RBFOX1: variants seen among roughly 807,000 people sequenced by gnomAD.
The protein encoded by RBFOX1 is RNA binding fox-1 homolog 1, also known as RNA binding protein fox-1 homolog 1.
Under a neutral mutation model 57.7 loss-of-function variants are expected in RBFOX1, and 8 were observed. The ratio of observed to expected loss-of-function variants is 0.14; its 90% CI spans 0.08 to 0.25. The LOEUF (loss-of-function observed/expected upper bound fraction) is 0.25. Ranked by LOEUF, RBFOX1 falls within the 10% of genes least tolerant of loss-of-function variation. The pLI is 1.00. For synonymous variants in RBFOX1, 326 were observed against 222.4 expected, an observed-to-expected ratio of 1.47 and a Z score of -4.15; for missense variants, 611 against 548.5, an observed-to-expected ratio of 1.11 and a Z score of -1.14.
At chr16:7,702,389 T>C (rs1239278618) in intron 14 of RBFOX1, among the ~76,000 whole-genome samples, 1 of 151,948 alleles carries the variant, frequency 6.6e-6, no homozygotes, top group Non-Finnish European at 1.5e-5. Context: ...CTCTCTGCAG[T>C]TGCAGAATTG....
At chr16:5,980,442 G>A (rs1475845993) in intron 4 of RBFOX1, among the ~76,000 whole-genome samples, 1 of 152,180 alleles carries the variant, frequency 6.6e-6, no homozygotes. Context: ...GGATCCTGCA[G>A]GAGGCCGAAT....
At chr16:6,277,478 A>AAAAAAAAAC (rs2075938684) in intron 1 of RBFOX1, among the ~76,000 whole-genome samples, 1 of 131,666 alleles carries the variant, frequency 7.6e-6, no homozygotes, top group Non-Finnish European at 1.7e-5. Context: ...AAAAAAAAAA[A>AAAAAAAAAC]CCTCAATTTT....
At chr16:6,959,361 C>A (rs1470190593) in intron 3 of RBFOX1, among the ~76,000 whole-genome samples, 2 of 152,162 alleles carry the variant, frequency 1.3e-5, no homozygotes, top group African/African-American at 4.8e-5. Context: ...ATAACCGTCA[C>A]ATTTGAATGG....
At chr16:5,713,356 G>A (rs1027294146) in intron 3 of RBFOX1, among the ~76,000 whole-genome samples, 3 of 152,196 alleles carry the variant, frequency 2.0e-5, no homozygotes, top group African/African-American at 7.2e-5. Context: ...ACAGGAATGA[G>A]ATTAAGGGGC....
chr16:6,727,930 C>G (rs1368646405), intron 3 of RBFOX1, among the ~76,000 whole-genome samples: 1 of 152,152 alleles, frequency 6.6e-6, no homozygotes, highest in Non-Finnish European at 1.5e-5. Flanking sequence ...AAGGCTAGTT[C>G]TACTACGTAC....
At chr16:7,186,747 A>G (rs552710706) in intron 4 of RBFOX1, among the ~76,000 whole-genome samples, 3 of 150,574 alleles carry the variant, frequency 2.0e-5, no homozygotes, top group Non-Finnish European at 4.4e-5. Context: ...TATATGAAGC[A>G]ATGACATTAT....
intron 1 of RBFOX1, among the ~76,000 whole-genome samples, chr16:6,257,306 C>T (rs954074403): frequency 6.6e-6 from 1 of 152,088 alleles, no homozygotes; most frequent in Non-Finnish European, 1.5e-5. Context: ...TAAAAATGGC[C>T]CCTCAGCCAA....
chr16:5,628,173 C>T (rs1262471446), intron 3 of RBFOX1, among the ~76,000 whole-genome samples: 6 of 152,058 alleles, frequency 3.9e-5, no homozygotes, highest in Admixed American at 2.6e-4. Context: ...GGGTAGATAC[C>T]CTTATATCAG....
intron 4 of RBFOX1, among the ~76,000 whole-genome samples, chr16:7,177,876 G>A (rs1330438039): frequency 6.6e-6 from 1 of 152,188 alleles, no homozygotes; most frequent in South Asian, 2.1e-4. Flanking sequence ...ACAGGATTTG[G>A]CCTGTGGGTT....
chr16:6,613,156 T>C (rs1223441712), intron 2 of RBFOX1, among the ~76,000 whole-genome samples: 3 of 152,150 alleles, frequency 2.0e-5, no homozygotes, highest in South Asian at 4.1e-4. Flanking sequence ...ATAGGCATTA[T>C]GCTTGCTGCG....
At chr16:7,510,711 T>C (rs753000199) in intron 4 of RBFOX1, among the ~76,000 whole-genome samples, 29 of 152,182 alleles carry the variant, frequency 1.9e-4, no homozygotes, top group Non-Finnish European at 3.4e-4. Flanking sequence ...AGAGAAGTGG[T>C]GTAGACCATG....
intron 4 of RBFOX1, among the ~76,000 whole-genome samples, chr16:7,397,358 C>T (rs987263845): frequency 6.6e-6 from 1 of 152,168 alleles, no homozygotes; most frequent in Non-Finnish European, 1.5e-5. Context: ...CACTTATCTG[C>T]AGACTGTAGG....
At chr16:6,322,760 G>A (rs1027226187) in intron 2 of RBFOX1, among the ~76,000 whole-genome samples, 1 of 152,150 alleles carries the variant, frequency 6.6e-6, no homozygotes, top group African/African-American at 2.4e-5. Flanking sequence ...GTTAAAAGGC[G>A]CCAGTTGGAA....
chr16:7,410,294 T>C (rs2098410746), intron 4 of RBFOX1, among the ~76,000 whole-genome samples: 1 of 152,236 alleles, frequency 6.6e-6, no homozygotes, highest in Non-Finnish European at 1.5e-5. Flanking sequence ...ATACTGTTAT[T>C]GCTCTCACTT....
intron 3 of RBFOX1, among the ~76,000 whole-genome samples, chr16:6,838,237 TATC>T (rs1409189875): frequency 1.3e-5 from 2 of 152,130 alleles, no homozygotes; most frequent in Non-Finnish European, 2.9e-5. Flanking sequence ...GTCCATGTGT[TATC>T]ATTGTTCATC....
intron 1 of RBFOX1, among the ~76,000 whole-genome samples, chr16:5,414,265 C>T (rs1030063411): frequency 1.3e-5 from 2 of 152,098 alleles, no homozygotes; most frequent in Non-Finnish European, 2.9e-5. Flanking sequence ...GTAAAGGAGT[C>T]TGTATGAAAA....
intron 15 of RBFOX1, chr16:7,710,086 G>C (rs2083726243): frequency 2.0e-6 from 2 of 1,001,062 alleles, no homozygotes; most frequent in Non-Finnish European, 2.4e-6. Flanking sequence ...TGGAAGCATT[G>C]TTTTGCACAA....
intron 14 of RBFOX1, among the ~76,000 whole-genome samples, chr16:7,683,034 A>ATATATATATATATATATAT (rs1568439301): frequency 4.3e-5 from 4 of 92,584 alleles, no homozygotes; most frequent in South Asian, 4.9e-4. Flanking sequence ...ATATATATAT[A>ATATATATATATATATATAT]AAACAGTGCT....
At chr16:7,624,406 T>G (rs934872589) in intron 10 of RBFOX1, among the ~76,000 whole-genome samples, 1 of 152,156 alleles carries the variant, frequency 6.6e-6, no homozygotes, top group Non-Finnish European at 1.5e-5. Flanking sequence ...TAGGCTAAGG[T>G]TTGGTTTGAT....
Sources: allele counts gnomAD v4.1 joint callset (sites outside exome capture counted in the v4.1 genomes callset), GRCh38; gene constraint gnomAD v4.1.1; transcripts MANE v1.5; gene names NCBI Gene and HGNC (gene_info 2026-07-23, HGNC 2026-07-21).